ZBTB44: variants seen among roughly 807,000 people sequenced by gnomAD.
The protein encoded by ZBTB44 is zinc finger and BTB domain-containing protein 44.
A neutral mutation model predicts 54.0 loss-of-function variants in ZBTB44; 15 were observed. That is an observed-to-expected ratio of 0.28 (90% CI 0.19 to 0.43). ZBTB44 has a LOEUF of 0.43. Among genes scored for constraint, ZBTB44 ranks in the 20% least tolerant of loss-of-function variants. ZBTB44 has a pLI of 1.00. For synonymous variants in ZBTB44, 230 were observed against 250.1 expected, an observed-to-expected ratio of 0.92 and a Z score of 0.76; for missense variants, 487 against 707.1, an observed-to-expected ratio of 0.69 and a Z score of 3.53.
At chr11:130,275,658 TC>T (rs1398230154) in intron 1 of ZBTB44, among the ~76,000 whole-genome samples, 2 of 152,142 alleles carry the variant, frequency 1.3e-5, no homozygotes, top group Non-Finnish European at 2.9e-5. Flanking sequence ...AGACAGAGTC[TC>T]ACTCTGTTGC....
At chr11:130,288,335 C>CT (rs1941097319) in intron 1 of ZBTB44, among the ~76,000 whole-genome samples, 1 of 151,818 alleles carries the variant, frequency 6.6e-6, no homozygotes, top group Non-Finnish European at 1.5e-5. Flanking sequence ...GATCATGCCA[C>CT]TGTTCTCCAG....
At chr11:130,238,797 T>G (rs895477957) in intron 3 of ZBTB44, 190 bp from the exon 4 acceptor site, 3 of 613,060 alleles carry the variant, frequency 4.9e-6, no homozygotes, top group East Asian at 6.6e-5. Context: ...CCTTTTGTTT[T>G]TTTTTTTTAT....
At chr11:130,296,745 T>C (rs555757654) in intron 1 of ZBTB44, 96 of 881,420 alleles carry the variant, frequency 1.1e-4, no homozygotes, top group Middle Eastern at 3.5e-4. Context: ...GCTTGAGAAA[T>C]TGATTGAAAA....
intron 1 of ZBTB44, 120 bp from the exon 2 acceptor site, chr11:130,262,049 A>C: frequency 1.4e-6 from 1 of 716,858 alleles, no homozygotes. Flanking sequence ...GTGACAGAGA[A>C]ACTTCAAGGT....
chr11:130,252,563 C>T (rs527809424), intron 2 of ZBTB44, among the ~76,000 whole-genome samples: 4 of 152,184 alleles, frequency 2.6e-5, no homozygotes, highest in Non-Finnish European at 4.4e-5. Flanking sequence ...GAACGGAAAT[C>T]GTAACAAACA....
chr11:130,229,711 A>C lies in ZBTB44; in HGVS notation c.*2053T>G, dbSNP rs1702175304. 1 of 152,166 alleles carries C rather than the reference A, an allele frequency of 6.6e-6. No individual in the cohort carries two copies. The highest frequency in any genetic ancestry group is 1.5e-5 in the Non-Finnish European group (1 of 68,014). The allele number at this position is 152,166 out of a possible 1,614,324, so 9.4% of individuals were successfully genotyped here. On this transcript the variant is annotated 3_prime_UTR_variant, in exon 8 of 8. Transcript: ENST00000357899. ...CCAATTTTGTTTCACTGCTTCAGAA[A>C]AGAAAATTTAGCTTTTATACATTCA...
intron 2 of ZBTB44, among the ~76,000 whole-genome samples, chr11:130,241,284 A>G (rs1344350822): frequency 6.6e-6 from 1 of 152,258 alleles, no homozygotes; most frequent in Non-Finnish European, 1.5e-5. Flanking sequence ...ATTAGAAAAT[A>G]CTAAACTCTT....
intron 2 of ZBTB44, among the ~76,000 whole-genome samples, chr11:130,255,647 C>T (rs1938368656): frequency 6.6e-6 from 1 of 151,988 alleles, no homozygotes; most frequent in Non-Finnish European, 1.5e-5. Context: ...AATAGACAGA[C>T]TGCTAACCAG....
At chr11:130,242,386 A>T (rs1383432669) in intron 2 of ZBTB44, among the ~76,000 whole-genome samples, 1 of 152,192 alleles carries the variant, frequency 6.6e-6, no homozygotes, top group Admixed American at 6.5e-5. Flanking sequence ...ACATTATCAT[A>T]TATACATGTT....
intron 1 of ZBTB44, among the ~76,000 whole-genome samples, chr11:130,283,687 C>T (rs963356148): frequency 6.6e-6 from 1 of 151,816 alleles, no homozygotes; most frequent in African/African-American, 2.4e-5. Flanking sequence ...CAAAGCAGGC[C>T]AGGCGCAGTG....
chr11:130,261,170 C>A lies in ZBTB44; in HGVS notation c.704G>T (p.Gly235Val), dbSNP rs780763888. 2.5e-5 allele frequency: 41 copies of A among 1,613,756 alleles called. No homozygotes were observed. The highest frequency in any genetic ancestry group is 1.6e-4 in the Middle Eastern group (1 of 6,084). The change falls in exon 2 of 8, where the codon GGA becomes GTA. Residue 235 changes from glycine to valine, a missense_variant. Around this residue, in one of 3 missense-constraint regions of ZBTB44, gnomAD observed 277 missense variants for 306.5 expected, o/e 0.90. Coordinates refer to ENST00000357899, the MANE Select transcript of ZBTB44 (RefSeq NM_001301098.2). This position sits in a 1 kb window ranked among gnomAD's most constrained non-coding sequence, Gnocchi z 4.8. ...CTCAGGCTGAATCCTTCGATCAATT[C>A]CAAAAGGAAAAGTCCAAGGAAAAGC... Reference protein sequence around the residue: ...SLAFPWTFPFGIDRRIQPEKV... With the variant: ...SLAFPWTFPFVIDRRIQPEKV...
chr11:130,301,000 T>C (rs760016452), intron 1 of ZBTB44, among the ~76,000 whole-genome samples: 9 of 151,708 alleles, frequency 5.9e-5, no homozygotes, highest in Admixed American at 1.3e-4. Context: ...TTTTTTTTTA[T>C]TAAAGTAAAA....
At chr11:130,295,837 G>A in intron 1 of ZBTB44, 3 of 1,388,428 alleles carry the variant, frequency 2.2e-6, no homozygotes, top group African/African-American at 1.4e-5. Flanking sequence ...TAGAGAATTA[G>A]CCATGCAAAT....
intron 1 of ZBTB44, chr11:130,296,168 T>C (rs546562439): frequency 0.034 from 47,350 of 1,379,122 alleles, 3,654 homozygotes; most frequent in African/African-American, 0.3. Context: ...GTTTTGAAGG[T>C]TGGCAAGGAT....
intron 3 of ZBTB44, 22 bp downstream of exon 3, chr11:130,239,790 G>A (rs1055766338): frequency 2.4e-5 from 39 of 1,600,036 alleles, no homozygotes; most frequent in African/African-American, 4.0e-5. Context: ...AAGAGGTAAC[G>A]AAATGCTATG....
chr11:130,287,977 A>AAAAAAG (rs1555174575), intron 1 of ZBTB44, among the ~76,000 whole-genome samples: 2 of 152,056 alleles, frequency 1.3e-5, no homozygotes, highest in African/African-American at 4.8e-5. Flanking sequence ...AAAAAAAAAA[A>AAAAAAG]AAAGAAAGAA....
At chr11:130,238,393 T>C in intron 4 of ZBTB44, 51 bp downstream of exon 4, 10 of 1,469,160 alleles carry the variant, frequency 6.8e-6, no homozygotes, top group Non-Finnish European at 9.0e-6. Context: ...GACTGCAAAA[T>C]AAAATGTTTT....
chr11:130,284,213 C>T (rs920691812), intron 1 of ZBTB44, among the ~76,000 whole-genome samples: 2 of 152,176 alleles, frequency 1.3e-5, no homozygotes, highest in African/African-American at 4.8e-5. Context: ...TAGAATTATA[C>T]TGTATATGAT....
chr11:130,237,290 A>AG (rs1249258326), intron 4 of ZBTB44, among the ~76,000 whole-genome samples, 197 bp from the exon 5 acceptor site: 1 of 152,212 alleles, frequency 6.6e-6, no homozygotes, highest in Non-Finnish European at 1.5e-5. Flanking sequence ...AAAAAGGAAA[A>AG]GAAAAAAAGG....
Sources: gnomAD v4.1 joint callset for allele counts (sites outside exome capture counted in the v4.1 genomes callset) on GRCh38, gnomAD v4.1.1 for gene constraint, gnomAD v4.1.1 regional missense constraint, Gnocchi (gnomAD v3.1) non-coding constraint, MANE v1.5 for transcripts, NCBI Gene and HGNC (gene_info 2026-07-23, HGNC 2026-07-21) for gene names.